Variants in TBL1Y observed in about 807,000 individuals in gnomAD.
TBL1Y encodes the protein transducin beta like 1 Y-linked.
Under a neutral mutation model 12.0 loss-of-function variants are expected in TBL1Y, and 15 were observed. The observed-to-expected ratio is 1.25, with a 90% confidence interval of 0.83 to 1.92. The LOEUF is 1.92. Ranked by LOEUF, TBL1Y falls within the 40% of genes most tolerant of loss-of-function variation. The pLI, the probability that TBL1Y is intolerant of heterozygous loss-of-function variation, is 0.00. For synonymous variants in TBL1Y, 53 were observed against 42.6 expected (o/e 1.24, Z -0.95); for missense variants, 148 against 116.7 (o/e 1.27, Z -1.24).
At chrY:7,064,270 T>C in intron 8 of TBL1Y, 121 bp downstream of exon 8, 1 of 224,947 alleles carries the variant, frequency 4.4e-6, no homozygotes, top group Non-Finnish European at 7.0e-6. Flanking sequence ...TAGTAGCTGC[T>C]CTTTATTGTT....
intron 2 of TBL1Y, among the ~76,000 whole-genome samples, chrY:6,949,520 G>A: frequency 6.0e-5 from 2 of 33,503 alleles, no homozygotes; most frequent in Non-Finnish European, 1.5e-4. Context: ...AAATGTATAT[G>A]CATAATTAGA....
chrY:6,987,259 G>A (rs2012326332), intron 3 of TBL1Y, among the ~76,000 whole-genome samples: 1 of 31,830 alleles, frequency 3.1e-5, no homozygotes, highest in African/African-American at 1.2e-4. Flanking sequence ...CTAACTGTTC[G>A]CAGCCACTGT....
intron 7 of TBL1Y, among the ~76,000 whole-genome samples, chrY:7,063,021 A>T (rs933934137): frequency 4.0e-4 from 13 of 32,133 alleles, no homozygotes; most frequent in African/African-American, 1.6e-3. Flanking sequence ...CAAGTTTTTA[A>T]TTTTTTTTCC....
chrY:7,062,832 C>G, intron 7 of TBL1Y, among the ~76,000 whole-genome samples: 4 of 33,471 alleles, frequency 1.2e-4, no homozygotes, highest in South Asian at 6.8e-4. Context: ...TGTCTCACCT[C>G]TTTTTAACCT....
At chrY:7,079,319 C>T (rs2013079453) in intron 13 of TBL1Y, among the ~76,000 whole-genome samples, 2 of 33,860 alleles carry the variant, frequency 5.9e-5, no homozygotes, top group African/African-American at 2.3e-4. Flanking sequence ...AGGAATGAGG[C>T]CCAGTTGCTA....
intron 7 of TBL1Y, among the ~76,000 whole-genome samples, chrY:7,058,686 T>C (rs770291652): frequency 1.2e-3 from 40 of 34,209 alleles, no homozygotes; most frequent in African/African-American, 4.1e-3. Flanking sequence ...TTTTAAGTCT[T>C]TACATTTTAC....
At chrY:6,982,942 G>T (rs975553769) in intron 3 of TBL1Y, among the ~76,000 whole-genome samples, 7 of 33,111 alleles carry the variant, frequency 2.1e-4, no homozygotes, top group Non-Finnish European at 5.2e-4. Flanking sequence ...ACTAATGCCT[G>T]ATGATCTGAG....
chrY:7,046,517 T>A, intron 7 of TBL1Y, among the ~76,000 whole-genome samples: 1 of 33,966 alleles, frequency 2.9e-5, no homozygotes. Context: ...AAGTCTCTTG[T>A]GTAACTGTAG....
At chrY:7,052,076 ACAGGT>A (rs2012800257) in intron 7 of TBL1Y, among the ~76,000 whole-genome samples, 1 of 33,794 alleles carries the variant, frequency 3.0e-5, no homozygotes, top group African/African-American at 1.2e-4. Flanking sequence ...CTTCCAGGTC[ACAGGT>A]AGCAAAGACA....
intron 3 of TBL1Y, among the ~76,000 whole-genome samples, chrY:6,992,932 A>G: frequency 2.9e-5 from 1 of 33,979 alleles, no homozygotes; most frequent in Admixed American, 2.7e-4. Context: ...AAATATTGAC[A>G]ATTTCTGTTT....
chrY:7,074,873 C>T, intron 13 of TBL1Y, among the ~76,000 whole-genome samples: 3 of 31,656 alleles, frequency 9.5e-5, no homozygotes, highest in Non-Finnish European at 2.3e-4. Context: ...ATGAGGTAGC[C>T]GGACATGGTG....
chrY:6,959,690 A>G, intron 2 of TBL1Y, among the ~76,000 whole-genome samples: 1 of 33,711 alleles, frequency 3.0e-5, no homozygotes, highest in Non-Finnish European at 7.4e-5. Context: ...TTGTTTTTTC[A>G]ATTTTGAAAT....
intron 3 of TBL1Y, among the ~76,000 whole-genome samples, chrY:6,993,705 G>T: frequency 3.1e-5 from 1 of 32,155 alleles, no homozygotes; most frequent in Non-Finnish European, 7.5e-5. Context: ...AGCCCTTCTT[G>T]ATTCTGAGAT....
At chrY:6,944,220 C>G in intron 2 of TBL1Y, among the ~76,000 whole-genome samples, 1 of 33,355 alleles carries the variant, frequency 3.0e-5, no homozygotes. Flanking sequence ...CTTTATTGGC[C>G]CCTTTGTTTT....
intron 7 of TBL1Y, among the ~76,000 whole-genome samples, chrY:7,047,043 G>A: frequency 3.0e-5 from 1 of 33,455 alleles, no homozygotes; most frequent in Admixed American, 2.7e-4. Flanking sequence ...AGTTCCAACA[G>A]GTGTGCAGTT....
At chrY:6,980,235 G>C (rs2012274338) in intron 3 of TBL1Y, among the ~76,000 whole-genome samples, 2 of 33,981 alleles carry the variant, frequency 5.9e-5, no homozygotes, top group African/African-American at 1.1e-4. Context: ...CAGAAGATTT[G>C]CAGTTTGGTT....
At chrY:7,074,879 T>C (rs922782718) in intron 13 of TBL1Y, among the ~76,000 whole-genome samples, 1 of 31,977 alleles carries the variant, frequency 3.1e-5, no homozygotes, top group Non-Finnish European at 7.6e-5. Context: ...TAGCCGGACA[T>C]GGTGCCACAC....
At chrY:7,063,404 C>T (rs2012906591) in intron 7 of TBL1Y, among the ~76,000 whole-genome samples, 1 of 33,052 alleles carries the variant, frequency 3.0e-5, no homozygotes, top group African/African-American at 1.2e-4. Flanking sequence ...AGGGTTAGAC[C>T]ACACAGGCTA....
intron 8 of TBL1Y, among the ~76,000 whole-genome samples, chrY:7,064,740 G>C (rs2012961780): frequency 1.2e-4 from 4 of 33,266 alleles, no homozygotes; most frequent in African/African-American, 3.5e-4. Flanking sequence ...TGTAAGTTCA[G>C]AGCATGCAAA....
Sources: allele counts gnomAD v4.1 joint callset (sites outside exome capture counted in the v4.1 genomes callset), GRCh38; gene constraint gnomAD v4.1.1; transcripts MANE v1.5; gene names NCBI Gene and HGNC (gene_info 2026-07-23, HGNC 2026-07-21).